CDK19: variants seen among roughly 807,000 people sequenced by gnomAD.
CDK19 encodes the protein cyclin-dependent kinase 19.
A neutral mutation model predicts 68.3 loss-of-function variants in CDK19; 20 were observed. The ratio of observed to expected loss-of-function variants is 0.29; its 90% CI spans 0.21 to 0.43. The LOEUF is 0.43. CDK19 is among the 20% of genes least tolerant of loss of function. The pLI is 1.00. For missense variants in CDK19, 339 were observed against 623.5 expected (o/e 0.54, Z 4.86); for synonymous variants, 221 against 222.8 (o/e 0.99, Z 0.07).
intron 4 of CDK19, among the ~76,000 whole-genome samples, chr6:110,642,458 A>G (rs551571747): frequency 3.9e-4 from 60 of 152,362 alleles, no homozygotes; most frequent in African/African-American, 1.2e-3. Flanking sequence ...GAAAACAAAA[A>G]CAGGAAAAAT....
At chr6:110,814,613 G>A (rs915130640) in intron 1 of CDK19, 12 of 467,326 alleles carry the variant, frequency 2.6e-5, no homozygotes, top group Non-Finnish European at 5.1e-5. Flanking sequence ...GTTCCACAAC[G>A]ACCGTCACTA....
At chr6:110,741,467 A>C (rs1777660385) in intron 2 of CDK19, among the ~76,000 whole-genome samples, 1 of 151,872 alleles carries the variant, frequency 6.6e-6, no homozygotes, top group South Asian at 2.1e-4. Context: ...TCTCAAACAA[A>C]ATAAAATAAA....
intron 1 of CDK19, among the ~76,000 whole-genome samples, chr6:110,757,447 C>T (rs3021287): frequency 0.34 from 51,869 of 152,066 alleles, 10,342 homozygotes; most frequent in East Asian, 0.68. Flanking sequence ...ATGCACGAAA[C>T]ACTTGACTAA....
chr6:110,778,446 A>G (rs1380084492), intron 1 of CDK19, among the ~76,000 whole-genome samples: 1 of 152,156 alleles, frequency 6.6e-6, no homozygotes, highest in Non-Finnish European at 1.5e-5. Flanking sequence ...TGCCCCACTA[A>G]AACAGTTATG....
intron 12 of CDK19, among the ~76,000 whole-genome samples, chr6:110,615,788 C>T (rs572188802): frequency 6.6e-6 from 1 of 152,308 alleles, no homozygotes; most frequent in Non-Finnish European, 1.5e-5. Flanking sequence ...TGCAGTTAAA[C>T]AATTACCAGT....
chr6:110,744,229 A>G (rs921151744), intron 2 of CDK19, among the ~76,000 whole-genome samples: 2 of 150,580 alleles, frequency 1.3e-5, no homozygotes, highest in Admixed American at 6.8e-5. Flanking sequence ...CTGGTCTCGA[A>G]CTCCTGACCT....
chr6:110,678,790 C>G (rs1338857273), intron 2 of CDK19, among the ~76,000 whole-genome samples: 1 of 152,226 alleles, frequency 6.6e-6, no homozygotes, highest in Non-Finnish European at 1.5e-5. Context: ...TTTTACAACT[C>G]TGTACATTAC....
At chr6:110,762,400 T>C (rs914353285) in intron 1 of CDK19, among the ~76,000 whole-genome samples, 2 of 152,210 alleles carry the variant, frequency 1.3e-5, no homozygotes, top group African/African-American at 4.8e-5. Context: ...AGCATGTGTA[T>C]GCACTATACA....
In CDK19 at chr6:110,808,189, T is replaced by A. The variant is rs141710010; in HGVS notation, c.128+6820A>T. On this transcript the variant is annotated intron_variant, in intron 1 of 12. Transcript: ENST00000368911. ...GACTCTAAACCTACACAGTCCAATG[T>A]GATAGCTACTAATTAGTTTCTAATC... Among the ~76,000 whole-genome samples the A allele has an allele frequency of 3.3e-5, 5 of 152,336 alleles. No homozygotes were observed. The East Asian group carries it at 9.6e-4, about 29-fold the overall frequency.
At chr6:110,732,738 G>C (rs1309157669) in intron 2 of CDK19, among the ~76,000 whole-genome samples, 1 of 152,086 alleles carries the variant, frequency 6.6e-6, no homozygotes, top group African/African-American at 2.4e-5. Flanking sequence ...AATTTTGACA[G>C]ATATAAACAC....
chr6:110,616,233 T>C (rs1332465714), intron 12 of CDK19, among the ~76,000 whole-genome samples: 6 of 152,106 alleles, frequency 3.9e-5, no homozygotes, highest in African/African-American at 1.4e-4. Context: ...GAGTTAAACA[T>C]GTAAATTATC....
intron 3 of CDK19, among the ~76,000 whole-genome samples, chr6:110,669,469 C>T (rs1414433031): frequency 6.6e-6 from 1 of 151,838 alleles, no homozygotes; most frequent in African/African-American, 2.4e-5. Flanking sequence ...AGAGCGAGAC[C>T]CTGTCTCAAA....
At chr6:110,735,044 T>C (rs895611411) in intron 2 of CDK19, among the ~76,000 whole-genome samples, 40 of 152,188 alleles carry the variant, frequency 2.6e-4, no homozygotes, top group African/African-American at 9.6e-4. Flanking sequence ...CACATGGTTA[T>C]GGAAAGGAAA....
At chr6:110,711,697 G>C (rs1385278019) in intron 2 of CDK19, among the ~76,000 whole-genome samples, 1 of 152,282 alleles carries the variant, frequency 6.6e-6, no homozygotes, top group Non-Finnish European at 1.5e-5. Flanking sequence ...GTTGGGCACA[G>C]TGGCTCACGC....
At chr6:110,729,415 T>TA (rs1776580763) in intron 2 of CDK19, among the ~76,000 whole-genome samples, 1 of 149,828 alleles carries the variant, frequency 6.7e-6, no homozygotes, top group Non-Finnish European at 1.5e-5. Context: ...GAGTTTATTT[T>TA]ATGTTATTTT....
At chr6:110,627,366 AC>A (rs1779158109) in intron 6 of CDK19, among the ~76,000 whole-genome samples, 2 of 152,170 alleles carry the variant, frequency 1.3e-5, no homozygotes. Context: ...ATATATATAT[AC>A]ATGACATGAA....
chr6:110,667,173 T>C (rs1011313757), intron 4 of CDK19, among the ~76,000 whole-genome samples: 1 of 152,180 alleles, frequency 6.6e-6, no homozygotes, highest in Non-Finnish European at 1.5e-5. Context: ...TCCATTAAAA[T>C]TGTACAGTAA....
At chr6:110,714,045 T>TATC (rs1309366332) in intron 2 of CDK19, among the ~76,000 whole-genome samples, 3 of 152,210 alleles carry the variant, frequency 2.0e-5, no homozygotes, top group Non-Finnish European at 4.4e-5. Flanking sequence ...AGAACATTTT[T>TATC]ATCACCCCCA....
chr6:110,800,108 A>C (rs1418428833), intron 1 of CDK19, among the ~76,000 whole-genome samples: 1 of 152,212 alleles, frequency 6.6e-6, no homozygotes, highest in East Asian at 1.9e-4. Context: ...CACGGACAAA[A>C]GAGCACTGAA....
Sources: gnomAD v4.1 joint callset for allele counts (sites outside exome capture counted in the v4.1 genomes callset) on GRCh38, gnomAD v4.1.1 for gene constraint, MANE v1.5 for transcripts, NCBI Gene and HGNC (gene_info 2026-07-23, HGNC 2026-07-21) for gene names.